The following KIAA0513 variants were observed in gnomAD, a reference collection of about 807,000 sequenced individuals.
KIAA0513 encodes uncharacterized protein KIAA0513.
KIAA0513 carries 39 observed loss-of-function variants against 56.5 expected under a neutral mutation model. The ratio of observed to expected loss-of-function variants is 0.69; its 90% CI spans 0.53 to 0.90. The LOEUF (loss-of-function observed/expected upper bound fraction) is 0.90. KIAA0513 is among the 40% of genes least tolerant of loss of function. KIAA0513 has a pLI of 0.00. For missense variants in KIAA0513, 591 were observed against 535.2 expected (o/e 1.10, Z -1.03); for synonymous variants, 268 against 215.6 (o/e 1.24, Z -2.13).
intron 1 of KIAA0513, among the ~76,000 whole-genome samples, chr16:85,034,278 G>T (rs1404559452): frequency 6.6e-6 from 1 of 152,192 alleles, no homozygotes; most frequent in African/African-American, 2.4e-5. Context: ...TACTAAGGAG[G>T]CTGAGGCAGG....
intron 10 of KIAA0513, among the ~76,000 whole-genome samples, chr16:85,086,321 G>C (rs1203067351): frequency 6.6e-6 from 1 of 152,264 alleles, no homozygotes; most frequent in Non-Finnish European, 1.5e-5. Flanking sequence ...TAAGGCTCTG[G>C]GGCCACCCTC....
chr16:85,066,064 A>T (rs925518392), intron 1 of KIAA0513, among the ~76,000 whole-genome samples: 1 of 152,214 alleles, frequency 6.6e-6, no homozygotes. Flanking sequence ...CTTTACGGGT[A>T]AACAGAGATA....
chr16:85,037,881 A>G (rs62048453), intron 1 of KIAA0513, among the ~76,000 whole-genome samples: 1,701 of 152,258 alleles, frequency 0.011, 30 homozygotes, highest in African/African-American at 0.033. Context: ...GGAGTGGCCA[A>G]GAGCAGAGGG....
At chr16:85,078,383 C>G (rs753276036) in intron 6 of KIAA0513, 32 bp from the exon 7 acceptor site, 1 of 1,613,218 alleles carries the variant, frequency 6.2e-7, no homozygotes, top group Non-Finnish European at 8.5e-7. Context: ...GTGTGAGTCG[C>G]GTGTGTCATC....
At chr16:85,065,916 C>G (rs185342388) in intron 1 of KIAA0513, among the ~76,000 whole-genome samples, 4 of 152,192 alleles carry the variant, frequency 2.6e-5, no homozygotes, top group Non-Finnish European at 4.4e-5. Context: ...GCTCCCCTGA[C>G]CCTGTGAGCA....
intron 1 of KIAA0513, among the ~76,000 whole-genome samples, chr16:85,040,812 G>A (rs937288966): frequency 2.0e-5 from 3 of 152,210 alleles, no homozygotes; most frequent in Non-Finnish European, 4.4e-5. Context: ...ATTTTGTAGA[G>A]AAGCCATCTA....
chr16:85,064,697 T>C (rs2073453501), intron 1 of KIAA0513, among the ~76,000 whole-genome samples: 1 of 152,230 alleles, frequency 6.6e-6, no homozygotes, highest in African/African-American at 2.4e-5. Flanking sequence ...ATTTCTTTTT[T>C]CTTTTTTTGA....
chr16:85,078,480 G>C (rs371294943), intron 7 of KIAA0513, 25 bp downstream of exon 7: 2 of 1,610,574 alleles, frequency 1.2e-6, no homozygotes, highest in Admixed American at 3.3e-5. Context: ...GCAGCAGCAG[G>C]AGACGCCCAG....
intron 1 of KIAA0513, among the ~76,000 whole-genome samples, chr16:85,047,475 G>A (rs1243667366): frequency 6.6e-6 from 1 of 152,138 alleles, no homozygotes; most frequent in East Asian, 1.9e-4. Context: ...GCTTACTTTT[G>A]TGGCCAAGCA....
intron 1 of KIAA0513, among the ~76,000 whole-genome samples, chr16:85,048,684 C>T (rs2073205438): frequency 6.6e-6 from 1 of 152,188 alleles, no homozygotes. Context: ...TTCAAGGCTG[C>T]AGCGAGCCAA....
chr16:85,061,832 G>T (rs933587554), intron 1 of KIAA0513, among the ~76,000 whole-genome samples: 1 of 152,206 alleles, frequency 6.6e-6, no homozygotes, highest in Non-Finnish European at 1.5e-5. Flanking sequence ...TGGGGCGGAA[G>T]GGGTTGCAGC....
intron 1 of KIAA0513, among the ~76,000 whole-genome samples, chr16:85,053,991 A>AAG (rs2073291915): frequency 1.5e-5 from 1 of 68,034 alleles, no homozygotes; most frequent in South Asian, 5.6e-4. Context: ...ACTCTGTCTC[A>AAG]AAAAAAAAAA....
chr16:85,040,078 C>T (rs2073085911), intron 1 of KIAA0513, among the ~76,000 whole-genome samples: 1 of 152,162 alleles, frequency 6.6e-6, no homozygotes, highest in Admixed American at 6.5e-5. Flanking sequence ...AGGTGATCCG[C>T]CCGCCTCAGC....
rs551780241 is a variant in KIAA0513, at chr16:85,030,301, G to T, written c.-173+2443G>T. 2.6e-5 allele frequency among the ~76,000 whole-genome samples: 4 copies of T among 152,298 alleles called. No individual in the cohort carries two copies. The South Asian group carries it at 6.2e-4, about 24-fold the overall frequency. On this transcript the variant is annotated intron_variant, in intron 1 of 12. Transcript: ENST00000683363. ...GAGGCAAGAGAGCACGCAGTTCTCC[G>T]GCAGCCTGCTAGAATCGTTTTCCTT...
intron 1 of KIAA0513, among the ~76,000 whole-genome samples, chr16:85,046,426 C>G (rs901128622): frequency 6.6e-6 from 1 of 152,242 alleles, no homozygotes; most frequent in African/African-American, 2.4e-5. Context: ...CCCACATAAC[C>G]TGATGCTCAG....
At chr16:85,052,235 G>T (rs1051968317) in intron 1 of KIAA0513, among the ~76,000 whole-genome samples, 1 of 152,074 alleles carries the variant, frequency 6.6e-6, no homozygotes, top group Non-Finnish European at 1.5e-5. Flanking sequence ...AAGGAGAATC[G>T]CTTGAACCCT....
intron 1 of KIAA0513, among the ~76,000 whole-genome samples, chr16:85,037,671 C>T (rs1388193429): frequency 1.3e-5 from 2 of 152,198 alleles, no homozygotes; most frequent in African/African-American, 4.8e-5. Flanking sequence ...TTATGCAGAA[C>T]AACATCACTC....
intron 4 of KIAA0513, among the ~76,000 whole-genome samples, chr16:85,073,285 C>T (rs527238508): frequency 2.0e-4 from 31 of 152,350 alleles, no homozygotes; most frequent in Middle Eastern, 6.8e-3. Context: ...TGATGGTGCA[C>T]TGTGGCCCTG....
intron 1 of KIAA0513, among the ~76,000 whole-genome samples, chr16:85,055,501 T>C (rs2073315710): frequency 6.6e-6 from 1 of 152,230 alleles, no homozygotes; most frequent in South Asian, 2.1e-4. Context: ...CTCAGTGTAC[T>C]GTTCTACAGG....
Sources: allele counts gnomAD v4.1 joint callset (sites outside exome capture counted in the v4.1 genomes callset), GRCh38; gene constraint gnomAD v4.1.1; transcripts MANE v1.5; gene names NCBI Gene and HGNC (gene_info 2026-07-23, HGNC 2026-07-21).